Variants in PNLIPRP3 observed in about 807,000 individuals in gnomAD.
PNLIPRP3 encodes the protein pancreatic lipase-related protein 3.
PNLIPRP3 carries 58 observed loss-of-function variants against 52.8 expected under a neutral mutation model. The ratio of observed to expected loss-of-function variants is 1.10; its 90% confidence interval spans 0.89 to 1.37. The LOEUF is 1.37. Ranked by LOEUF, PNLIPRP3 falls within the 40% of genes most tolerant of loss-of-function variation. The pLI is 0.00. For missense variants in PNLIPRP3, 593 were observed against 561.6 expected, an observed-to-expected ratio of 1.06 and a Z score of -0.57; for synonymous variants, 192 against 185.0, an observed-to-expected ratio of 1.04 and a Z score of -0.31.
intron 2 of PNLIPRP3, among the ~76,000 whole-genome samples, chr10:116,442,380 G>A (rs1036952150): frequency 1.2e-4 from 18 of 152,046 alleles, no homozygotes; most frequent in African/African-American, 4.3e-4. Flanking sequence ...CCTCCATTTT[G>A]CCATGTTTTT....
intron 7 of PNLIPRP3, among the ~76,000 whole-genome samples, chr10:116,461,549 T>G (rs909644053): frequency 2.0e-5 from 3 of 152,236 alleles, no homozygotes; most frequent in Admixed American, 1.3e-4. Context: ...AGGTGTGTTA[T>G]TCACTCAGCA....
intron 2 of PNLIPRP3, 115 bp from the exon 3 acceptor site, chr10:116,442,939 AG>A (rs1845878486): frequency 1.5e-6 from 1 of 648,808 alleles, no homozygotes; most frequent in Non-Finnish European, 2.2e-6. Flanking sequence ...ATATTAAAGA[AG>A]GTTGCTAAAG....
chr10:116,476,652 T>C lies in PNLIPRP3; in HGVS notation c.1173T>C (p.Ser391=), dbSNP rs771081430. ...VRKTGEFAIV[S]GKLEPGMTYT... ...TTACGAGTCTTATTTTTGTTTACAGTGGAAAACTTGAGCCAGGCATGACTT... is the reference window on the plus strand; with the variant it reads ...TTACGAGTCTTATTTTTGTTTACAGCGGAAAACTTGAGCCAGGCATGACTT... The change falls in exon 11 of 12, where the codon AGT becomes AGC. Residue 391 remains serine (S), a splice_region_variant and synonymous_variant. Coordinates refer to ENST00000369230, the MANE Select transcript of PNLIPRP3 (RefSeq NM_001011709.3). The C allele has an allele frequency of 3.2e-6, 5 of 1,563,754 alleles. No individual in the cohort carries two copies. The South Asian group carries it at 6.1e-5, about 19-fold the overall frequency.
At position 116,459,194 on chromosome 10, in the gene PNLIPRP3, A is replaced by G. The variant is rs139405956; in HGVS notation, c.566-1772A>G. Among the ~76,000 whole-genome samples, 376 of 150,262 alleles carry G rather than the reference A, an allele frequency of 2.5e-3. 1 individual carries two copies. The highest frequency in any genetic ancestry group is 8.9e-3 in the African/African-American group (363 of 40,900). On this transcript the variant is annotated intron_variant, in intron 5 of 11. Coordinates refer to ENST00000369230, the MANE Select transcript of PNLIPRP3 (RefSeq NM_001011709.3). ...CTTTTGCCTTTGCCTATCTGTTCATATTCTTCAAGTTTCCATTCTAGGCCC... is the reference window on the plus strand; with the variant it reads ...CTTTTGCCTTTGCCTATCTGTTCATGTTCTTCAAGTTTCCATTCTAGGCCC...
In PNLIPRP3 at chr10:116,427,970, G is replaced by C. The variant is rs779651194; in HGVS notation, c.-43G>C. The stretch of plus-strand genomic sequence containing the variant: ...ATAGTGAGGTGACTTTACAAGTAAA[G>C]ATCTTCAAGAAGATTTTTATGTGAT... On this transcript the variant is annotated 5_prime_UTR_variant, in exon 1 of 12. Transcript: ENST00000369230. The C allele has an allele frequency of 6.8e-7, 1 of 1,472,872 alleles. No homozygotes were observed. The highest frequency in any genetic ancestry group is 9.5e-7 in the Non-Finnish European group (1 of 1,054,500). The allele number at this position is 1,472,872 out of a possible 1,614,324, so 91.2% of individuals were successfully genotyped here.
rs547410162 is a variant in PNLIPRP3, at chr10:116,440,300, A to G, written c.205-2755A>G. 1.3e-4 allele frequency among the ~76,000 whole-genome samples: 20 copies of G among 152,272 alleles called. 1 individual carries two copies. The highest frequency in any genetic ancestry group is 4.8e-4 in the African/African-American group (20 of 41,568). On this transcript the variant is annotated intron_variant, in intron 2 of 11. Coordinates refer to ENST00000369230, the MANE Select transcript of PNLIPRP3 (RefSeq NM_001011709.3). Reference sequence around the variant, plus strand: ...CAGTAAAACAGAAGGTGATAAAGACAGTGTTTAGGTGAAGCTGGGTCCTAC... The same window carrying G: ...CAGTAAAACAGAAGGTGATAAAGACGGTGTTTAGGTGAAGCTGGGTCCTAC...
intron 1 of PNLIPRP3, among the ~76,000 whole-genome samples, chr10:116,430,275 C>T (rs1394198913): frequency 6.6e-6 from 1 of 152,000 alleles, no homozygotes; most frequent in Non-Finnish European, 1.5e-5. Flanking sequence ...GGGTCATCAG[C>T]CAAGAGGTTT....
intron 7 of PNLIPRP3, among the ~76,000 whole-genome samples, chr10:116,465,545 A>AAAAC (rs138936269): frequency 0.093 from 14,144 of 151,646 alleles, 851 homozygotes; most frequent in East Asian, 0.24. Flanking sequence ...AAAAAAAAAC[A>AAAAC]AAACAAACAA....
At chr10:116,444,540 T>G (rs1203445926) in intron 4 of PNLIPRP3, 27 bp downstream of exon 4, 4 of 1,597,032 alleles carry the variant, frequency 2.5e-6, no homozygotes, top group Admixed American at 3.4e-5. Flanking sequence ...TTTTTTTAAT[T>G]ATATTGAATT....
In PNLIPRP3 at chr10:116,477,089, G is replaced by C. The variant is rs758998223; in HGVS notation, c.1341-1G>C. 6.3e-7 allele frequency: 1 copy of C among 1,582,546 alleles called. No homozygotes were observed. Among genetic ancestry groups the C allele is most frequent in the East Asian group, 2.2e-5 (1 of 44,492 alleles). On this transcript the variant is annotated splice_acceptor_variant, in intron 11 of 11. Coordinates refer to ENST00000369230, the MANE Select transcript of PNLIPRP3 (RefSeq NM_001011709.3). LOFTEE classifies it high-confidence loss of function. ...TTTTTTTTTTCCTTAAAAACTTTCA[G>C]ATCTACCTTCTGTAGCCAAGACATT... is the stretch of plus-strand genomic sequence containing the variant.
chr10:116,463,066 T>C (rs1846222254), intron 7 of PNLIPRP3, among the ~76,000 whole-genome samples: 1 of 152,228 alleles, frequency 6.6e-6, no homozygotes, highest in South Asian at 2.1e-4. Flanking sequence ...AATCTATAGA[T>C]ATACAGAGAC....
chr10:116,461,298 C>A lies in PNLIPRP3; in HGVS notation c.808+8C>A. The A allele has an allele frequency of 1.9e-6, 3 of 1,610,010 alleles. No individual in the cohort carries two copies. Among genetic ancestry groups the A allele is most frequent in the Non-Finnish European group, 2.5e-6 (3 of 1,176,516 alleles). The stretch of plus-strand genomic sequence containing the variant: ...TCAATGCTTACAAAAAAGGTAAATA[C>A]TTTCTAAACTATGAATGCTACTGAT... On this transcript the variant is annotated splice_region_variant and intron_variant, in intron 7 of 11. Coordinates refer to ENST00000369230, the MANE Select transcript of PNLIPRP3 (RefSeq NM_001011709.3).
At chr10:116,456,253 G>A (rs1438441568) in intron 5 of PNLIPRP3, among the ~76,000 whole-genome samples, 1 of 152,132 alleles carries the variant, frequency 6.6e-6, no homozygotes, top group East Asian at 1.9e-4. Flanking sequence ...TAGCTAGAAG[G>A]AGTACATTCT....
At chr10:116,434,624 C>T (rs17094739) in intron 1 of PNLIPRP3, among the ~76,000 whole-genome samples, 17,007 of 151,966 alleles carry the variant, frequency 0.11, 1,298 homozygotes, top group Admixed American at 0.24. Context: ...CCCTGGTAAG[C>T]GATAAACATA....
At chr10:116,455,376 C>T (rs1846097269) in intron 4 of PNLIPRP3, among the ~76,000 whole-genome samples, 1 of 152,126 alleles carries the variant, frequency 6.6e-6, no homozygotes, top group Non-Finnish European at 1.5e-5. Flanking sequence ...GCCTTTGATG[C>T]ATGTTGTGAG....
Position 116,476,745 on chromosome 10 carries a change from A to T in PNLIPRP3, c.1266A>T (p.Lys422Asn). 1 of 1,610,798 alleles carries T rather than the reference A, an allele frequency of 6.2e-7. No homozygotes were observed. Among genetic ancestry groups the T allele is most frequent in the African/African-American group, 1.3e-5 (1 of 74,924 alleles). Reference protein sequence around the residue: ...NITSVQFIWKKHLFEDSQNKL... With the variant: ...NITSVQFIWKNHLFEDSQNKL... The stretch of plus-strand genomic sequence containing the variant: ...CAAGTGTTCAGTTCATCTGGAAAAA[A>T]CATTTGTTTGAAGATTCTCAGAATA... Residue 422 changes from lysine (K) to asparagine (N), a missense_variant, in exon 11 of 12, where the codon AAA (lysine) becomes AAT (asparagine). Transcript: ENST00000369230.
Position 116,477,439 on chromosome 10 carries a change from A to G in PNLIPRP3, c.*286A>G. Reference sequence around the variant, plus strand: ...TTTTGGAATTTTCCTGAATAAGAGGAGGTGATGCAAATGTATGTTGAGTGT... The same window carrying G: ...TTTTGGAATTTTCCTGAATAAGAGGGGGTGATGCAAATGTATGTTGAGTGT... On this transcript the variant is annotated 3_prime_UTR_variant, in exon 12 of 12. Coordinates refer to ENST00000369230, the MANE Select transcript of PNLIPRP3 (RefSeq NM_001011709.3). The G allele has an allele frequency of 4.3e-6, 1 of 232,432 alleles. No individual in the cohort carries two copies. Among genetic ancestry groups the G allele is most frequent in the Non-Finnish European group, 8.2e-6 (1 of 122,528 alleles). 14.4% of individuals were successfully genotyped at this position (232,432 alleles called of 1,614,324 possible).
intron 4 of PNLIPRP3, among the ~76,000 whole-genome samples, chr10:116,448,319 T>C (rs1364435137): frequency 6.6e-6 from 1 of 152,192 alleles, no homozygotes; most frequent in African/African-American, 2.4e-5. Context: ...TTGGCGTATA[T>C]GATTGAAATT....
At chr10:116,448,690 G>GTGTTTTGTTTTGTTTTGTTT (rs55781366) in intron 4 of PNLIPRP3, among the ~76,000 whole-genome samples, 89 of 147,740 alleles carry the variant, frequency 6.0e-4, no homozygotes, top group African/African-American at 2.1e-3. Context: ...CTATAAAAAG[G>GTGTTTTGTTTTGTTTTGTTT]TGTTTTGTTT....
Sources: gnomAD v4.1 joint callset for allele counts (sites outside exome capture counted in the v4.1 genomes callset) on GRCh38, gnomAD v4.1.1 for gene constraint, MANE v1.5 for transcripts, NCBI Gene and HGNC (gene_info 2026-07-23, HGNC 2026-07-21) for gene names.